FBXO24: variants seen among roughly 807,000 people sequenced by gnomAD.
The protein encoded by FBXO24 is F-box only protein 24.
In FBXO24, 30 loss-of-function variants were observed where a neutral mutation model predicts 63.5. The observed-to-expected ratio is 0.47, with a 90% CI of 0.35 to 0.64. The LOEUF is 0.64. Ranked by LOEUF, FBXO24 falls within the 30% of genes least tolerant of loss-of-function variation. The probability of loss-of-function intolerance (pLI) is 0.00; values close to 1 mark genes in which losing one functional copy is unlikely to be tolerated. For missense variants in FBXO24, 624 were observed against 763.4 expected (o/e 0.82, Z 2.15); for synonymous variants, 300 against 305.0 (o/e 0.98, Z 0.17).
chr7:100,592,255 G>A (rs573610681), intron 4 of FBXO24: 20 of 246,180 alleles, frequency 8.1e-5, no homozygotes, highest in South Asian at 4.6e-4. Flanking sequence ...GGGAGACTCC[G>A]TCTCGAAAAA....
chr7:100,589,886 G>C, intron 1 of FBXO24, 91 bp from the exon 2 acceptor site: 1 of 1,556,828 alleles, frequency 6.4e-7, no homozygotes. Flanking sequence ...ACTGTGCCCA[G>C]CTAGAGTCAG....
chr7:100,595,015 G>T, intron 6 of FBXO24, 87 bp from the exon 7 acceptor site: 1 of 1,570,004 alleles, frequency 6.4e-7, no homozygotes, highest in South Asian at 1.1e-5. Context: ...AGACTCCTTG[G>T]ATCTTGTAGC....
intron 1 of FBXO24, among the ~76,000 whole-genome samples, chr7:100,589,137 C>G (rs1290794437): frequency 6.6e-6 from 1 of 152,144 alleles, no homozygotes; most frequent in Non-Finnish European, 1.5e-5. Context: ...AGGCTGCAGT[C>G]TCCTTTTGGA....
At chr7:100,592,285 G>A (rs978563134) in intron 4 of FBXO24, 3 of 249,020 alleles carry the variant, frequency 1.2e-5, no homozygotes, top group Admixed American at 1.0e-4. Flanking sequence ...ACCTGAGACC[G>A]GGTAATTTAT....
At chr7:100,587,778 T>A (rs1482677438) in intron 1 of FBXO24, among the ~76,000 whole-genome samples, 1 of 151,376 alleles carries the variant, frequency 6.6e-6, no homozygotes, top group African/African-American at 2.4e-5. Context: ...TATTTTCAAT[T>A]TTTGTAGAGA....
At chr7:100,598,824 A>C (rs1802438045) in intron 8 of FBXO24, among the ~76,000 whole-genome samples, 1 of 151,836 alleles carries the variant, frequency 6.6e-6, no homozygotes, top group South Asian at 2.1e-4. Flanking sequence ...TAAAATACAA[A>C]AGAAATTAGC....
At chr7:100,592,254 C>A in intron 4 of FBXO24, 2 of 244,424 alleles carry the variant, frequency 8.2e-6, no homozygotes, top group South Asian at 5.3e-5. Context: ...AGGGAGACTC[C>A]GTCTCGAAAA....
In FBXO24 at chr7:100,590,245, C is replaced by G. The variant is rs763721434; in HGVS notation, c.210C>G (p.His70Gln). 1.2e-6 allele frequency: 2 copies of G among 1,614,166 alleles called. No individual in the cohort carries two copies. The highest frequency in any genetic ancestry group is 1.7e-6 in the Non-Finnish European group (2 of 1,180,020). The change falls in exon 3 of 10, where the codon CAC (histidine) becomes CAG (glutamine). Residue 70 changes from histidine (H) to glutamine (Q), a missense_variant. This residue lies in a region of FBXO24 where 391 missense variants were observed against 469.1 expected (regional missense o/e 0.83). Coordinates refer to ENST00000241071, the MANE Select transcript of FBXO24 (RefSeq NM_033506.3). ...VALGQTCRYF[H>Q]EVCDGEGVWR... ...TCGGCCAGACCTGCCGCTACTTCCA[C>G]GAAGTGTGCGATGGGGAAGGCGTGT...
chr7:100,591,648 A>G lies in FBXO24; in HGVS notation c.323-19A>G, dbSNP rs1346582226. 1.2e-6 allele frequency: 2 copies of G among 1,611,924 alleles called. No individual in the cohort carries two copies. Among genetic ancestry groups the G allele is most frequent in the Non-Finnish European group, 8.5e-7 (1 of 1,178,060 alleles). On this transcript the variant is annotated intron_variant, in intron 3 of 9. Transcript: ENST00000241071. ...TGTCATCTCATCCCTTGAACCTTCC[A>G]TCTCCTTCCTTCCTCCAGACACGAA...
chr7:100,591,598 C>G, intron 3 of FBXO24, 69 bp from the exon 4 acceptor site: 1 of 1,462,636 alleles, frequency 6.8e-7, no homozygotes, highest in Non-Finnish European at 9.5e-7. Flanking sequence ...AAGAAATCTA[C>G]CCAAGCTCCA....
In FBXO24 at chr7:100,595,704, C is replaced by A; in HGVS notation, c.1204C>A (p.Gln402Lys). Residue 402 changes from glutamine to lysine, a missense_variant and splice_region_variant, in exon 8 of 10, where the codon CAG (glutamine) becomes AAG (lysine). By Grantham distance (53) the Gln-to-Lys change is moderately conservative. Around this residue, in one of 3 missense-constraint regions of FBXO24, gnomAD observed 216 missense variants for 245.2 expected, o/e 0.88. Coordinates refer to ENST00000241071, the MANE Select transcript of FBXO24 (RefSeq NM_033506.3). Reference sequence around the variant, plus strand: ...CAAAATGGACCGAGGGGAACCCACACAGGTGAGACTATTTCCCAGCAACTC... The same window carrying A: ...CAAAATGGACCGAGGGGAACCCACAAAGGTGAGACTATTTCCCAGCAACTC... ...GDKMDRGEPT[Q>K]VCYLQRPITL... is the part of the protein sequence containing the mutation. The A allele has an allele frequency of 6.2e-7, 1 of 1,601,650 alleles. No homozygotes were observed. The highest frequency in any genetic ancestry group is 8.5e-7 in the Non-Finnish European group (1 of 1,172,098).
Position 100,594,977 on chromosome 7 carries a change from C to T in FBXO24, c.953-125C>T. On this transcript the variant is annotated intron_variant, in intron 6 of 9. Coordinates refer to ENST00000241071, the MANE Select transcript of FBXO24 (RefSeq NM_033506.3). The surrounding 1 kb of genome is among the most constrained non-coding windows in gnomAD (Gnocchi z 4.2). ...AGATGTGTTTTCAGTTCCCAGGCAT[C>T]ATAGTTGATGCATTCCTAGTGGGTA... is the stretch of plus-strand genomic sequence containing the variant. 2 of 1,331,790 alleles carry T rather than the reference C, an allele frequency of 1.5e-6. No individual in the cohort carries two copies. 82.5% of individuals were successfully genotyped at this position (1,331,790 alleles called of 1,614,324 possible).
chr7:100,597,822 C>T (rs1802383180), intron 8 of FBXO24, among the ~76,000 whole-genome samples: 2 of 152,236 alleles, frequency 1.3e-5, no homozygotes, highest in South Asian at 4.1e-4. Context: ...CCGCCTCAAC[C>T]TCCCAAGCAG....
intron 8 of FBXO24, among the ~76,000 whole-genome samples, chr7:100,599,247 C>A (rs1257447848): frequency 6.6e-6 from 1 of 151,938 alleles, no homozygotes; most frequent in Non-Finnish European, 1.5e-5. Context: ...GAATGAGACC[C>A]CATCTCTAAA....
Position 100,600,296 on chromosome 7 carries a change from AG to A in FBXO24, c.1377+100del, listed in dbSNP as rs1457037754. ...GTAGCTGGGGCTCCTGCAGGGACCCAGGGGGTCCCATTTCCCTAGCACCACC... is the reference window on the plus strand; with the variant it reads ...GTAGCTGGGGCTCCTGCAGGGACCCAGGGGTCCCATTTCCCTAGCACCACC... On this transcript the variant is annotated intron_variant, in intron 9 of 9. Transcript: ENST00000241071. This position sits in a 1 kb window ranked among gnomAD's most constrained non-coding sequence, Gnocchi z 6.3. 7 of 1,399,736 alleles carry A rather than the reference AG, an allele frequency of 5.0e-6. 1 individual carries two copies. The Middle Eastern group carries it at 9.5e-4, about 190-fold the overall frequency. The allele number at this position is 1,399,736 out of a possible 1,614,324, so 86.7% of individuals were successfully genotyped here.
intron 7 of FBXO24, 141 bp downstream of exon 7, chr7:100,595,364 G>A (rs570223647): frequency 6.8e-7 from 1 of 1,480,396 alleles, no homozygotes; most frequent in Non-Finnish European, 9.1e-7. Flanking sequence ...GATCAGCTGG[G>A]GGCTCGGTGC....
chr7:100,591,427 T>C (rs1330589451), intron 3 of FBXO24, among the ~76,000 whole-genome samples: 1 of 152,206 alleles, frequency 6.6e-6, no homozygotes, highest in Non-Finnish European at 1.5e-5. Context: ...ACCAAAGAAC[T>C]GCTCACTAAG....
Position 100,586,553 on chromosome 7 carries a change from A to C in FBXO24, c.-73A>C. ...CAGATACAGGCGAGTGACTGTCAAGAAGGCCAATTAGAGCCTCCGAAGGGA... is the reference window on the plus strand; with the variant it reads ...CAGATACAGGCGAGTGACTGTCAAGCAGGCCAATTAGAGCCTCCGAAGGGA... On this transcript the variant is annotated 5_prime_UTR_variant, in exon 1 of 10. Transcript: ENST00000241071. 1.3e-6 allele frequency: 2 copies of C among 1,508,998 alleles called. No homozygotes were observed. Among genetic ancestry groups the C allele is most frequent in the East Asian group, 2.3e-5 (1 of 44,370 alleles). The allele number at this position is 1,508,998 out of a possible 1,614,324, so 93.5% of individuals were successfully genotyped here. A position where few individuals can be genotyped will look rare whatever the true frequency, so the allele number is the denominator to read the frequency against.
intron 3 of FBXO24, 34 bp downstream of exon 3, chr7:100,590,391 C>T: frequency 6.3e-7 from 1 of 1,578,226 alleles, no homozygotes; most frequent in Non-Finnish European, 8.6e-7. Context: ...GTTCTCCTTG[C>T]CTCTGTCCCG....
Sources: gnomAD v4.1 joint callset for allele counts (sites outside exome capture counted in the v4.1 genomes callset) on GRCh38, gnomAD v4.1.1 for gene constraint, gnomAD v4.1.1 regional missense constraint, Gnocchi (gnomAD v3.1) non-coding constraint, MANE v1.5 for transcripts, NCBI Gene and HGNC (gene_info 2026-07-23, HGNC 2026-07-21) for gene names.